Variants in SPEF2 observed in about 807,000 individuals in gnomAD.
SPEF2 encodes sperm flagella and cilia-associated protein 2.
Under a neutral mutation model 224.6 loss-of-function variants are expected in SPEF2, and 187 were observed. The observed-to-expected ratio is 0.83, with a 90% CI of 0.74 to 0.94. SPEF2 has a LOEUF of 0.94. Ranked by LOEUF, SPEF2 falls within the 40% of genes least tolerant of loss-of-function variation. SPEF2 has a pLI of 0.00. For synonymous variants in SPEF2, 715 were observed against 707.3 expected (o/e 1.01, Z -0.17); for missense variants, 2,170 against 2,135.6 (o/e 1.02, Z -0.32).
intron 17 of SPEF2, 136 bp from the exon 18 acceptor site, chr5:35,705,506 CTAAAATAAA>C (rs1739569008): frequency 3.6e-6 from 2 of 559,974 alleles, no homozygotes; most frequent in South Asian, 6.6e-5. Flanking sequence ...CTTCTTTAAT[CTAAAATAAA>C]TAACATTGTT....
chr5:35,652,365 T>C (rs923920255), intron 6 of SPEF2, among the ~76,000 whole-genome samples: 1 of 152,144 alleles, frequency 6.6e-6, no homozygotes, highest in African/African-American at 2.4e-5. Context: ...CACAACACAC[T>C]TAAGTACAAA....
intron 10 of SPEF2, among the ~76,000 whole-genome samples, chr5:35,690,021 C>G (rs1357388705): frequency 6.6e-6 from 1 of 151,924 alleles, no homozygotes; most frequent in East Asian, 1.9e-4. Flanking sequence ...TTTCTTCTTC[C>G]TAGTTTGATT....
At position 35,727,870 on chromosome 5, in the gene SPEF2, C is replaced by A. The variant is rs1744937638; in HGVS notation, c.3063+47C>A. The A allele has an allele frequency of 1.9e-6, 3 of 1,584,196 alleles. No individual in the cohort carries two copies. In the East Asian group the frequency reaches 6.8e-5, roughly 36 times the overall value. On this transcript the variant is annotated intron_variant, in intron 21 of 36. Coordinates refer to ENST00000356031, the MANE Select transcript of SPEF2 (RefSeq NM_024867.4). ...CTGGCAGAATTCATTCTTTCTCCTG[C>A]ATATAGTAAGATTCACACTGTCATT...
intron 4 of SPEF2, 55 bp from the exon 5 acceptor site, chr5:35,646,612 A>G: frequency 6.5e-7 from 1 of 1,539,624 alleles, no homozygotes; most frequent in Non-Finnish European, 8.9e-7. Context: ...TGAGTGTATT[A>G]TATTGCCTAT....
intron 8 of SPEF2, among the ~76,000 whole-genome samples, chr5:35,661,473 T>C (rs1749743672): frequency 6.6e-6 from 1 of 151,468 alleles, no homozygotes; most frequent in African/African-American, 2.4e-5. Context: ...GTTTGTTACA[T>C]AGGTAAATGT....
At chr5:35,727,591 A>T in intron 20 of SPEF2, 84 bp from the exon 21 acceptor site, 1 of 1,173,916 alleles carries the variant, frequency 8.5e-7, no homozygotes, top group Non-Finnish European at 1.2e-6. Flanking sequence ...CCTGAAGTCC[A>T]TGGTAATTAT....
chr5:35,684,875 C>T (rs1340295260), intron 10 of SPEF2, among the ~76,000 whole-genome samples: 1 of 152,160 alleles, frequency 6.6e-6, no homozygotes, highest in African/African-American at 2.4e-5. Flanking sequence ...GGAATTATCA[C>T]CTTTTTTATT....
At chr5:35,742,272 T>C (rs1031898300) in intron 23 of SPEF2, among the ~76,000 whole-genome samples, 1 of 152,156 alleles carries the variant, frequency 6.6e-6, no homozygotes. Flanking sequence ...ACAGAGAATT[T>C]TACAGTAAAA....
At chr5:35,727,419 G>A (rs1207781630) in intron 20 of SPEF2, among the ~76,000 whole-genome samples, 1 of 152,192 alleles carries the variant, frequency 6.6e-6, no homozygotes, top group African/African-American at 2.4e-5. Flanking sequence ...TGAAAGCAAG[G>A]ACAGATGAAA....
chr5:35,696,325 A>G (rs1561213061), intron 14 of SPEF2, among the ~76,000 whole-genome samples: 1 of 152,344 alleles, frequency 6.6e-6, no homozygotes, highest in East Asian at 1.9e-4. Context: ...GCATCTCATC[A>G]TGAAAAACAG....
At chr5:35,699,572 T>C (rs991448549) in intron 15 of SPEF2, 2 of 152,156 alleles carry the variant, frequency 1.3e-5, no homozygotes, top group Admixed American at 6.5e-5. Context: ...CAGGATACTA[T>C]GACTCTACAC....
At chr5:35,645,391 C>T (rs968326177) in intron 4 of SPEF2, among the ~76,000 whole-genome samples, 2 of 152,156 alleles carry the variant, frequency 1.3e-5, no homozygotes, top group Non-Finnish European at 2.9e-5. Flanking sequence ...CTCTCAGCTT[C>T]AATTTCCCCA....
chr5:35,780,887 G>A (rs1227129901), intron 30 of SPEF2, among the ~76,000 whole-genome samples: 2 of 152,094 alleles, frequency 1.3e-5, no homozygotes, highest in Non-Finnish European at 2.9e-5. Context: ...ATATCTTTCA[G>A]CAGGGACCCT....
intron 23 of SPEF2, among the ~76,000 whole-genome samples, chr5:35,740,912 G>A (rs1206694934): frequency 6.6e-6 from 1 of 152,236 alleles, no homozygotes; most frequent in Middle Eastern, 3.4e-3. Context: ...TATCCCATCA[G>A]AGGGATACCT....
At chr5:35,793,551 G>C (rs937129583) in intron 32 of SPEF2, among the ~76,000 whole-genome samples, 1 of 152,138 alleles carries the variant, frequency 6.6e-6, no homozygotes, top group Non-Finnish European at 1.5e-5. Context: ...GAAAAAGTCA[G>C]AACTTCCAGG....
At chr5:35,724,636 A>G (rs1257006084) in intron 20 of SPEF2, among the ~76,000 whole-genome samples, 1 of 152,180 alleles carries the variant, frequency 6.6e-6, no homozygotes, top group Non-Finnish European at 1.5e-5. Context: ...GCCATTTACC[A>G]TATATGGGTT....
chr5:35,646,666 G>A lies in SPEF2; in HGVS notation c.586-1G>A. ...TAAACTAATGTATATGGGATATTCA[G>A]CAATACTTAAACAGAAGACGACAAA... On this transcript the variant is annotated splice_acceptor_variant, in intron 4 of 36. Coordinates refer to ENST00000356031, the MANE Select transcript of SPEF2 (RefSeq NM_024867.4). LOFTEE classifies it high-confidence loss of function. 6.2e-7 allele frequency: 1 copy of A among 1,612,928 alleles called. No individual in the cohort carries two copies. The highest frequency in any genetic ancestry group is 2.2e-5 in the East Asian group (1 of 44,778).
chr5:35,779,467 T>C, intron 30 of SPEF2, 121 bp downstream of exon 30: 2 of 693,168 alleles, frequency 2.9e-6, no homozygotes, highest in Admixed American at 5.8e-5. Flanking sequence ...AACATGCCCT[T>C]GCTTTGTTCT....
chr5:35,714,727 C>T (rs907748691), intron 20 of SPEF2, among the ~76,000 whole-genome samples: 1 of 101,698 alleles, frequency 9.8e-6, no homozygotes, highest in Non-Finnish European at 2.0e-5. Context: ...TTTATTGTCC[C>T]TGACTGCTTC....
Sources: gnomAD v4.1 joint callset for allele counts (sites outside exome capture counted in the v4.1 genomes callset) on GRCh38, gnomAD v4.1.1 for gene constraint, MANE v1.5 for transcripts, NCBI Gene and HGNC (gene_info 2026-07-23, HGNC 2026-07-21) for gene names.